The following SPHKAP variants were observed in gnomAD, a reference collection of about 807,000 sequenced individuals.
SPHKAP encodes the protein SPHK1 interactor, AKAP domain containing.
A neutral mutation model predicts 137.5 loss-of-function variants in SPHKAP; 67 were observed. The ratio of observed to expected loss-of-function variants is 0.49; its 90% CI spans 0.40 to 0.60. SPHKAP has a LOEUF of 0.60. Among genes scored for constraint, SPHKAP ranks in the 20% least tolerant of loss-of-function variants. The pLI, the probability that SPHKAP is intolerant of heterozygous loss-of-function variation, is 0.00. For synonymous variants in SPHKAP, 813 were observed against 785.3 expected (o/e 1.04, Z -0.59); for missense variants, 2,097 against 2,069.3 (o/e 1.01, Z -0.26).
At chr2:228,130,088 G>A (rs1428420457) in intron 2 of SPHKAP, among the ~76,000 whole-genome samples, 2 of 152,086 alleles carry the variant, frequency 1.3e-5, no homozygotes, top group African/African-American at 4.8e-5. Context: ...GAGCGACCGT[G>A]CCCAGCACCA....
intron 3 of SPHKAP, among the ~76,000 whole-genome samples, chr2:228,030,513 C>CAAAAAAAAAAAAAAAAAAAAACAA (rs11287311): frequency 4.1e-5 from 2 of 48,776 alleles, no homozygotes; most frequent in Non-Finnish European, 8.0e-5. Context: ...GATACCATCT[C>CAAAAAAAAAAAAAAAAAAAAACAA]AAAAAAAAAA....
intron 11 of SPHKAP, among the ~76,000 whole-genome samples, chr2:227,984,367 C>G (rs1693135492): frequency 6.6e-6 from 1 of 151,348 alleles, no homozygotes; most frequent in South Asian, 2.1e-4. Flanking sequence ...CCTGGGACCT[C>G]TCACCACCCT....
At chr2:228,028,666 G>A (rs1695156547) in intron 3 of SPHKAP, among the ~76,000 whole-genome samples, 1 of 152,150 alleles carries the variant, frequency 6.6e-6, no homozygotes, top group Non-Finnish European at 1.5e-5. Context: ...GAAACATGCT[G>A]TACAGGTTTA....
At chr2:228,173,681 G>T (rs1700653150) in intron 1 of SPHKAP, among the ~76,000 whole-genome samples, 1 of 152,136 alleles carries the variant, frequency 6.6e-6, no homozygotes, top group Non-Finnish European at 1.5e-5. Context: ...TGCAGCCCTG[G>T]CGGCACCTTG....
At chr2:228,023,289 A>G (rs1461983149) in intron 5 of SPHKAP, among the ~76,000 whole-genome samples, 1 of 152,190 alleles carries the variant, frequency 6.6e-6, no homozygotes, top group Admixed American at 6.5e-5. Flanking sequence ...TCTATTTTTC[A>G]AAGAAGGTGG....
chr2:228,150,736 A>G (rs1291929117), intron 1 of SPHKAP, among the ~76,000 whole-genome samples: 1 of 151,360 alleles, frequency 6.6e-6, no homozygotes, highest in East Asian at 2.0e-4. Context: ...CTTTTGATTC[A>G]TTTATTCTCC....
At chr2:228,180,886 T>G (rs953533890) in intron 1 of SPHKAP, among the ~76,000 whole-genome samples, 6 of 152,134 alleles carry the variant, frequency 3.9e-5, no homozygotes, top group African/African-American at 1.4e-4. Flanking sequence ...AACACGTTAC[T>G]CGCACCCGGC....
At position 227,991,212 on chromosome 2, in the gene SPHKAP, T is replaced by C. The variant is rs752205033; in HGVS notation, c.4775-28A>G. On this transcript the variant is annotated intron_variant, in intron 10 of 11. Coordinates refer to ENST00000392056, the MANE Select transcript of SPHKAP (RefSeq NM_001142644.2). ...GAGAACAGACACAACCACAGCCTTA[T>C]CCTTCTTTCCAAAGGGACAGCCCAG... is the stretch of plus-strand genomic sequence containing the variant. 2.5e-6 allele frequency: 4 copies of C among 1,614,174 alleles called. No homozygotes were observed. In the South Asian group the frequency reaches 4.4e-5, roughly 18 times the overall value.
intron 3 of SPHKAP, among the ~76,000 whole-genome samples, chr2:228,102,066 T>C (rs1169896183): frequency 6.6e-6 from 1 of 152,232 alleles, no homozygotes; most frequent in African/African-American, 2.4e-5. Flanking sequence ...ATAATAGTTA[T>C]AGTTGCATCT....
intron 3 of SPHKAP, among the ~76,000 whole-genome samples, chr2:228,051,496 G>A (rs10196885): frequency 0.61 from 93,207 of 151,886 alleles, 29,063 homozygotes; most frequent in East Asian, 0.78. Flanking sequence ...TGATAAGAAC[G>A]TGCTCTGAGG....
rs1699332246 is a variant in SPHKAP, at chr2:228,133,493, T to G, written c.33-1408A>C. On this transcript the variant is annotated intron_variant, in intron 1 of 11. Transcript: ENST00000392056. Reference sequence around the variant, plus strand: ...TATGCATTTCTAAATATTCTTCTTCTGAAAATATAATAATTTGGACTTTTA... The same window carrying G: ...TATGCATTTCTAAATATTCTTCTTCGGAAAATATAATAATTTGGACTTTTA... Among the ~76,000 whole-genome samples, 4 of 152,204 alleles carry G rather than the reference T, an allele frequency of 2.6e-5. 1 individual carries two copies. In the South Asian group the frequency reaches 8.3e-4, roughly 31 times the overall value.
Position 228,006,561 on chromosome 2 carries a change from A to G in SPHKAP, c.4448+9845T>C, listed in dbSNP as rs182687585. 3.3e-3 allele frequency among the ~76,000 whole-genome samples: 503 copies of G among 152,222 alleles called. 3 individuals are homozygous for G. Among genetic ancestry groups the G allele is most frequent in the African/African-American group, 0.012 (488 of 41,528 alleles). On this transcript the variant is annotated intron_variant, in intron 7 of 11. Transcript: ENST00000392056. The stretch of plus-strand genomic sequence containing the variant: ...ATCTCGTCAAAGTCATTCTCCGTCC[A>G]GCTTTGTTCTGTTGCTGGTGAGGAG...
intron 3 of SPHKAP, among the ~76,000 whole-genome samples, chr2:228,062,251 A>G (rs1204470464): frequency 6.6e-6 from 1 of 151,570 alleles, no homozygotes; most frequent in Non-Finnish European, 1.5e-5. Flanking sequence ...CAGCCTCCCA[A>G]GTAGATGGGA....
At chr2:228,100,191 G>A (rs756016033) in intron 3 of SPHKAP, among the ~76,000 whole-genome samples, 6 of 152,294 alleles carry the variant, frequency 3.9e-5, no homozygotes, top group Middle Eastern at 3.4e-3. Context: ...TTTGTATCCC[G>A]AAACTTTATT....
At position 228,044,516 on chromosome 2, in the gene SPHKAP, T is replaced by C. The variant is rs150263085; in HGVS notation, c.247-16973A>G. Among the ~76,000 whole-genome samples the C allele has an allele frequency of 7.6e-4, 116 of 152,320 alleles. 1 individual carries two copies. Among genetic ancestry groups the C allele is most frequent in the Middle Eastern group, 3.4e-3 (1 of 294 alleles). ...TGAATTACTATCCCTATAGATTGGATGCTTTAGGAACTCATTAATTTAAAT... is the reference window on the plus strand; with the variant it reads ...TGAATTACTATCCCTATAGATTGGACGCTTTAGGAACTCATTAATTTAAAT... On this transcript the variant is annotated intron_variant, in intron 3 of 11. Transcript: ENST00000392056.
chr2:228,071,789 C>CT (rs55755231), intron 3 of SPHKAP, among the ~76,000 whole-genome samples: 13,867 of 148,788 alleles, frequency 0.093, 702 homozygotes, highest in African/African-American at 0.12. Context: ...GCAATTCAAC[C>CT]TTTTTTTTTT....
chr2:228,043,484 G>A (rs1695924913), intron 3 of SPHKAP, among the ~76,000 whole-genome samples: 1 of 152,044 alleles, frequency 6.6e-6, no homozygotes, highest in Non-Finnish European at 1.5e-5. Flanking sequence ...GTGCCACCAT[G>A]CCTGGCTAAT....
chr2:228,029,403 T>A (rs1337674544), intron 3 of SPHKAP, among the ~76,000 whole-genome samples: 1 of 152,158 alleles, frequency 6.6e-6, no homozygotes, highest in African/African-American at 2.4e-5. Context: ...AAAACTGAAA[T>A]AGAAGTGTAA....
intron 1 of SPHKAP, among the ~76,000 whole-genome samples, chr2:228,140,534 T>C (rs1397023937): frequency 6.6e-6 from 1 of 152,162 alleles, no homozygotes; most frequent in African/African-American, 2.4e-5. Context: ...GTGCTTTACA[T>C]ACTAATTTCA....
Sources: gnomAD v4.1 joint callset for allele counts (sites outside exome capture counted in the v4.1 genomes callset) on GRCh38, gnomAD v4.1.1 for gene constraint, MANE v1.5 for transcripts, NCBI Gene and HGNC (gene_info 2026-07-23, HGNC 2026-07-21) for gene names.